RAB15: variants seen among roughly 807,000 people sequenced by gnomAD.
The protein encoded by RAB15 is ras-related protein Rab-15.
Under a neutral mutation model 31.8 loss-of-function variants are expected in RAB15, and 13 were observed. That is an observed-to-expected ratio of 0.41 (90% CI 0.27 to 0.65). The LOEUF is 0.65. Among genes scored for constraint, RAB15 ranks in the 30% least tolerant of loss-of-function variants. RAB15 has a pLI of 0.32. For missense variants in RAB15, 220 were observed against 277.3 expected (o/e 0.79, Z 1.47); for synonymous variants, 100 against 105.6 (o/e 0.95, Z 0.33).
intron 1 of RAB15, among the ~76,000 whole-genome samples, chr14:64,966,378 C>T (rs1887139219): frequency 1.3e-5 from 2 of 151,966 alleles, no homozygotes; most frequent in Admixed American, 6.6e-5. Context: ...ATAATAATAG[C>T]CGGGTGTGGT....
rs1407186927 is a variant in RAB15 at position 64,971,256 on chromosome 14, TGA to T, written c.124+695_124+696del. On this transcript the variant is annotated intron_variant, in intron 1 of 6. Transcript: ENST00000533601. The surrounding 1 kb of genome is among the most constrained non-coding windows in gnomAD (Gnocchi z 4.1). ...AACCACAGGCTCCAGCACTGCCAGA[TGA>T]GAGATGCCCTCAGGCGGGTCCTGCC... Among the ~76,000 whole-genome samples the T allele has an allele frequency of 1.3e-5, 2 of 152,194 alleles. No homozygotes were observed. The highest frequency in any genetic ancestry group is 3.9e-4 in the East Asian group (2 of 5,192).
chr14:64,951,071 T>C lies in RAB15; in HGVS notation c.324+3A>G. On this transcript the variant is annotated splice_donor_region_variant and intron_variant, in intron 4 of 6. Coordinates refer to ENST00000533601, the MANE Select transcript of RAB15 (RefSeq NM_001308154.2). The surrounding 1 kb of genome is among the most constrained non-coding windows in gnomAD (Gnocchi z 7.2). ...ACCCCGGCAGTGAGGTGGCATCTCC[T>C]ACCTCATCCACGTCACTGACCCACT... 6.2e-7 allele frequency: 1 copy of C among 1,613,016 alleles called. No homozygotes were observed. Among genetic ancestry groups the C allele is most frequent in the Non-Finnish European group, 8.5e-7 (1 of 1,179,832 alleles).
intron 1 of RAB15, among the ~76,000 whole-genome samples, chr14:64,957,455 C>T (rs1301951316): frequency 6.6e-6 from 1 of 152,126 alleles, no homozygotes; most frequent in Admixed American, 6.5e-5. Flanking sequence ...GTACCCTTGC[C>T]AGCCAAGGGA....
chr14:64,964,354 T>G (rs1887008368), intron 1 of RAB15, among the ~76,000 whole-genome samples: 1 of 151,724 alleles, frequency 6.6e-6, no homozygotes, highest in Non-Finnish European at 1.5e-5. Flanking sequence ...AAACCCCTTC[T>G]GTACTAAAAT....
At position 64,972,216 on chromosome 14, in the gene RAB15, G is replaced by T. The variant is rs993285337; in HGVS notation, c.-140C>A. On this transcript the variant is annotated 5_prime_UTR_variant, in exon 1 of 7. Transcript: ENST00000533601. The surrounding 1 kb of genome is among the most constrained non-coding windows in gnomAD (Gnocchi z 6.3). ...CGGGCCCGGCCCCCGCGGCTGCCTCGCCCGCCCGCCTGCCCACTCGCTCGC... is the reference window on the plus strand; with the variant it reads ...CGGGCCCGGCCCCCGCGGCTGCCTCTCCCGCCCGCCTGCCCACTCGCTCGC... The T allele has an allele frequency of 1.2e-5, 6 of 511,500 alleles. No individual in the cohort carries two copies. The highest frequency in any genetic ancestry group is 8.2e-5 in the South Asian group (1 of 12,164). The allele number at this position is 511,500 out of a possible 1,614,324, so 31.7% of individuals were successfully genotyped here.
chr14:64,969,263 G>A (rs938620379), intron 1 of RAB15, among the ~76,000 whole-genome samples: 6 of 152,148 alleles, frequency 3.9e-5, no homozygotes, highest in African/African-American at 1.4e-4. Context: ...AAAAATAAGC[G>A]AATGACTATG....
chr14:64,965,004 GGTGTGATCAC>G (rs1887057419), intron 1 of RAB15, among the ~76,000 whole-genome samples: 2 of 152,090 alleles, frequency 1.3e-5, no homozygotes, highest in Non-Finnish European at 2.9e-5. Flanking sequence ...GGAGTACAGT[GGTGTGATCAC>G]AGCTCACTGT....
intron 1 of RAB15, among the ~76,000 whole-genome samples, chr14:64,966,956 C>T (rs571997052): frequency 6.6e-6 from 1 of 152,284 alleles, no homozygotes; most frequent in South Asian, 2.1e-4. Context: ...ACCCCAGGAT[C>T]CTAGTGTCTA....
At position 64,962,547 on chromosome 14, in the gene RAB15, C is replaced by T. The variant is rs1238405983; in HGVS notation, c.124+9406G>A. On this transcript the variant is annotated intron_variant, in intron 1 of 6. Coordinates refer to ENST00000533601, the MANE Select transcript of RAB15 (RefSeq NM_001308154.2). This position sits in a 1 kb window ranked among gnomAD's most constrained non-coding sequence, Gnocchi z 4.2. ...GGATAAAGTAGAGAGTGAGGAGACC[C>T]CAAGCACAAGCAACCTTAGACTGGC... Among the ~76,000 whole-genome samples, 2 of 152,122 alleles carry T rather than the reference C, an allele frequency of 1.3e-5. No individual in the cohort carries two copies. Among genetic ancestry groups the T allele is most frequent in the African/African-American group, 4.8e-5 (2 of 41,402 alleles).
At position 64,962,347 on chromosome 14, in the gene RAB15, T is replaced by A. The variant is rs926401112; in HGVS notation, c.124+9606A>T. On this transcript the variant is annotated intron_variant, in intron 1 of 6. Transcript: ENST00000533601. The surrounding 1 kb of genome is among the most constrained non-coding windows in gnomAD (Gnocchi z 4.2). ...ATTCCTTCATTTGTTAATTCATTCATTCAAACTGTTATTGAATGCTTACAA... is the reference window on the plus strand; with the variant it reads ...ATTCCTTCATTTGTTAATTCATTCAATCAAACTGTTATTGAATGCTTACAA... Among the ~76,000 whole-genome samples, 2 of 152,360 alleles carry A rather than the reference T, an allele frequency of 1.3e-5. No individual in the cohort carries two copies. Among genetic ancestry groups the A allele is most frequent in the East Asian group, 3.8e-4 (2 of 5,196 alleles).
In RAB15 at chr14:64,968,336, C is replaced by A. The variant is rs192234243; in HGVS notation, c.124+3617G>T. Among the ~76,000 whole-genome samples the A allele has an allele frequency of 1.4e-3, 220 of 152,266 alleles. No homozygotes were observed. Among genetic ancestry groups the A allele is most frequent in the Non-Finnish European group, 2.7e-3 (182 of 68,020 alleles). On this transcript the variant is annotated intron_variant, in intron 1 of 6. Transcript: ENST00000533601. The surrounding 1 kb of genome is among the most constrained non-coding windows in gnomAD (Gnocchi z 4.9). ...TGCTCCCTTCTGCTGCAGGAACTGA[C>A]GAGCAGCCCACACTGAGGCCTAGCT...
chr14:64,963,266 T>G (rs1013265321), intron 1 of RAB15, among the ~76,000 whole-genome samples: 1 of 151,886 alleles, frequency 6.6e-6, no homozygotes, highest in African/African-American at 2.4e-5. Flanking sequence ...ACTACAGGCG[T>G]GCTCTACCAC....
chr14:64,972,009 C>G lies in RAB15; in HGVS notation c.68G>C (p.Cys23Ser), dbSNP rs374073902. Reference protein sequence around the residue: ...LIGDSGVGKTCLLCRFTDNEF... With the variant: ...LIGDSGVGKTSLLCRFTDNEF... ...GTTGTCGGTGAAGCGGCACAGCAGG[C>G]AGGTCTTGCCCACCCCGGAGTCCCC... The change falls in exon 1 of 7, where the codon TGC (cysteine) becomes TCC (serine). Residue 23 changes from cysteine (C) to serine (S), a missense_variant. Transcript: ENST00000533601. This position sits in a 1 kb window ranked among gnomAD's most constrained non-coding sequence, Gnocchi z 6.3. 6.2e-7 allele frequency: 1 copy of G among 1,608,434 alleles called. No homozygotes were observed. Among genetic ancestry groups the G allele is most frequent in the African/African-American group, 1.3e-5 (1 of 74,744 alleles).
Position 64,948,906 on chromosome 14 carries a change from G to A in RAB15, c.415-173C>T, listed in dbSNP as rs1449048753. Among the ~76,000 whole-genome samples the A allele has an allele frequency of 6.6e-6, 1 of 152,158 alleles. No homozygotes were observed. The highest frequency in any genetic ancestry group is 1.5e-5 in the Non-Finnish European group (1 of 68,022). On this transcript the variant is annotated intron_variant, in intron 5 of 6. Coordinates refer to ENST00000533601, the MANE Select transcript of RAB15 (RefSeq NM_001308154.2). The surrounding 1 kb of genome is among the most constrained non-coding windows in gnomAD (Gnocchi z 7.0). Reference sequence around the variant, plus strand: ...GCTCCAAGAGAGGGTAGCAGAGAATGGGGGAAGATCCTCCACAAATATGCC... The same window carrying A: ...GCTCCAAGAGAGGGTAGCAGAGAATAGGGGAAGATCCTCCACAAATATGCC...
In RAB15 at chr14:64,950,970, A is replaced by G; in HGVS notation, c.324+104T>C. Reference sequence around the variant, plus strand: ...AGAGGTCTTCATCCAGGGCTGTGGAAGGCAAAGCTTCCTGGAAGCATTTGC... The same window carrying G: ...AGAGGTCTTCATCCAGGGCTGTGGAGGGCAAAGCTTCCTGGAAGCATTTGC... On this transcript the variant is annotated intron_variant, in intron 4 of 6. Transcript: ENST00000533601. This position sits in a 1 kb window ranked among gnomAD's most constrained non-coding sequence, Gnocchi z 5.6. 1 of 1,613,850 alleles carries G rather than the reference A, an allele frequency of 6.2e-7. No individual in the cohort carries two copies. The highest frequency in any genetic ancestry group is 8.5e-7 in the Non-Finnish European group (1 of 1,179,868).
rs764146525 is a variant in RAB15, at chr14:64,948,442, G to A, written c.551C>T (p.Ala184Val). 38 of 1,613,712 alleles carry A rather than the reference G, an allele frequency of 2.4e-5. No individual in the cohort carries two copies. In the East Asian group the frequency reaches 8.2e-4, roughly 35 times the overall value. ...CTCTGCCAGTGCCAACTCATTGCTG[G>A]CACGCATCCGGAGGCCTTCCAGCTC... is the stretch of plus-strand genomic sequence containing the variant. ...RKELEGLRMR[A>V]SNELALAELE... is the part of the protein sequence containing the mutation. Residue 184 changes from alanine (A) to valine (V), a missense_variant, in exon 7 of 7, where the codon GCC becomes GTC. Coordinates refer to ENST00000533601, the MANE Select transcript of RAB15 (RefSeq NM_001308154.2). The surrounding 1 kb of genome is among the most constrained non-coding windows in gnomAD (Gnocchi z 7.0).
At position 64,954,148 on chromosome 14, in the gene RAB15, T is replaced by A; in HGVS notation, c.125-1577A>T. On this transcript the variant is annotated intron_variant, in intron 1 of 6. Transcript: ENST00000533601. The surrounding 1 kb of genome is among the most constrained non-coding windows in gnomAD (Gnocchi z 4.3). ...GGTCAGACGTGAATCATTTCTCGCC[T>A]GCCCAAGCTGATTCATATCCATTGA... The A allele has an allele frequency of 1.0e-6, 1 of 985,486 alleles. No individual in the cohort carries two copies. Among genetic ancestry groups the A allele is most frequent in the Non-Finnish European group, 1.2e-6 (1 of 829,936 alleles). 61.0% of individuals were successfully genotyped at this position (985,486 alleles called of 1,614,324 possible).
Position 64,950,265 on chromosome 14 carries a change from G to T in RAB15, c.414+60C>A. On this transcript the variant is annotated intron_variant, in intron 5 of 6. Transcript: ENST00000533601. This position sits in a 1 kb window ranked among gnomAD's most constrained non-coding sequence, Gnocchi z 5.6. ...CACACCCCTAGGTCCCCACGCTCAG[G>T]ACTGGCCCTGGAGGCCCAGCAGAGG... The T allele has an allele frequency of 1.4e-6, 2 of 1,385,384 alleles. No individual in the cohort carries two copies. Among genetic ancestry groups the T allele is most frequent in the Non-Finnish European group, 2.1e-6 (2 of 972,892 alleles). The allele number at this position is 1,385,384 out of a possible 1,614,324, so 85.8% of individuals were successfully genotyped here.
chr14:64,955,074 G>GC lies in RAB15; in HGVS notation c.125-2504dup, dbSNP rs1470020298. ...CTAAGGCTGAGGAATTCCGGGGCTCGCAGCACTCCCCGGCCTCACACACAC... is the reference window on the plus strand; with the variant it reads ...CTAAGGCTGAGGAATTCCGGGGCTCGCCAGCACTCCCCGGCCTCACACACAC... On this transcript the variant is annotated intron_variant, in intron 1 of 6. Coordinates refer to ENST00000533601, the MANE Select transcript of RAB15 (RefSeq NM_001308154.2). This position sits in a 1 kb window ranked among gnomAD's most constrained non-coding sequence, Gnocchi z 4.4. Among the ~76,000 whole-genome samples, 1 of 151,980 alleles carries GC rather than the reference G, an allele frequency of 6.6e-6. No homozygotes were observed. The highest frequency in any genetic ancestry group is 1.5e-5 in the Non-Finnish European group (1 of 67,978).
Sources: gnomAD v4.1 joint callset for allele counts (sites outside exome capture counted in the v4.1 genomes callset) on GRCh38, gnomAD v4.1.1 for gene constraint, Gnocchi (gnomAD v3.1) non-coding constraint, MANE v1.5 for transcripts, NCBI Gene and HGNC (gene_info 2026-07-23, HGNC 2026-07-21) for gene names.